The following MX2 variants were observed in gnomAD, a reference collection of about 807,000 sequenced individuals.
The protein encoded by MX2 is interferon-induced GTP-binding protein Mx2.
A neutral mutation model predicts 74.0 loss-of-function variants in MX2; 51 were observed. The observed-to-expected ratio is 0.69, with a 90% CI of 0.55 to 0.87. MX2 has a LOEUF of 0.87. Ranked by LOEUF, MX2 falls within the 40% of genes least tolerant of loss-of-function variation. The pLI is 0.00. For missense variants in MX2, 832 were observed against 908.7 expected (o/e 0.92, Z 1.09); for synonymous variants, 369 against 339.3 (o/e 1.09, Z -0.96).
At chr21:41,371,918 G>A (rs1202145450) in intron 1 of MX2, among the ~76,000 whole-genome samples, 1 of 152,190 alleles carries the variant, frequency 6.6e-6, no homozygotes, top group East Asian at 1.9e-4. Context: ...AAAACTCAAA[G>A]CCCAGAGAGA....
chr21:41,376,419 G>T (rs983168354), intron 1 of MX2, among the ~76,000 whole-genome samples: 4 of 152,296 alleles, frequency 2.6e-5, no homozygotes, highest in African/African-American at 7.2e-5. Context: ...GGTGGTGCAT[G>T]CCTCTAGTCC....
At chr21:41,369,262 C>G (rs552413030) in intron 1 of MX2, among the ~76,000 whole-genome samples, 5 of 152,174 alleles carry the variant, frequency 3.3e-5, no homozygotes, top group African/African-American at 7.2e-5. Context: ...GGCTGAGCGG[C>G]GGCGGGGCCA....
chr21:41,377,300 A>G (rs1161762977), intron 2 of MX2, 145 bp downstream of exon 2: 68 of 1,219,098 alleles, frequency 5.6e-5, no homozygotes, highest in South Asian at 3.2e-4. Context: ...GTCATGCCCA[A>G]CAAGTACCAG....
chr21:41,397,475 T>C, intron 7 of MX2, 138 bp from the exon 8 acceptor site: 1 of 662,178 alleles, frequency 1.5e-6, no homozygotes, highest in Non-Finnish European at 2.6e-6. Context: ...GGCAAGTGTC[T>C]TTCTTATGCA....
At chr21:41,393,110 C>CAAAAAAAAA (rs373955778) in intron 6 of MX2, among the ~76,000 whole-genome samples, 320 of 59,966 alleles carry the variant, frequency 5.3e-3, no homozygotes, top group East Asian at 8.6e-3. Flanking sequence ...CTCAAAAAAG[C>CAAAAAAAAA]AAAAAAAAAA....
chr21:41,389,134 G>A (rs572117093), intron 5 of MX2, among the ~76,000 whole-genome samples: 3 of 151,932 alleles, frequency 2.0e-5, no homozygotes, highest in South Asian at 2.1e-4. Context: ...GACGATCAAC[G>A]TTAAAACTTG....
chr21:41,404,382 G>A (rs2089857230), intron 12 of MX2: 1 of 152,230 alleles, frequency 6.6e-6, no homozygotes, highest in South Asian at 2.1e-4. Flanking sequence ...GCTCCCAGAG[G>A]GTCTACTGTC....
intron 6 of MX2, among the ~76,000 whole-genome samples, chr21:41,393,265 A>G (rs2089687946): frequency 6.6e-6 from 1 of 152,168 alleles, no homozygotes; most frequent in African/African-American, 2.4e-5. Flanking sequence ...CAGTGGGTCG[A>G]TATTTTCAGG....
At chr21:41,403,468 G>GGCGAGGCTT (rs2089842776) in intron 12 of MX2, 125 bp downstream of exon 12, 1 of 903,970 alleles carries the variant, frequency 1.1e-6, no homozygotes. Context: ...TGGCGAGGCT[G>GGCGAGGCTT]GCAGGGCTGG....
intron 5 of MX2, chr21:41,390,323 G>C (rs2089640035): frequency 1.9e-5 from 9 of 481,126 alleles, no homozygotes; most frequent in Non-Finnish European, 3.8e-6. Context: ...CAGGAATCAG[G>C]GGGTCTTCAG....
At chr21:41,378,121 G>T (rs1228220473) in intron 3 of MX2, 140 bp downstream of exon 3, 6 of 1,104,742 alleles carry the variant, frequency 5.4e-6, no homozygotes, top group Middle Eastern at 6.1e-4. Flanking sequence ...GAGAGAGGCC[G>T]CTGAGAGAGA....
chr21:41,390,865 G>A (rs951058798), intron 6 of MX2, among the ~76,000 whole-genome samples, 162 bp downstream of exon 6: 1 of 152,206 alleles, frequency 6.6e-6, no homozygotes, highest in Non-Finnish European at 1.5e-5. Context: ...AATTAGTCGG[G>A]CATGGTGGCT....
intron 10 of MX2, 144 bp downstream of exon 10, chr21:41,399,481 A>G (rs911598294): frequency 1.2e-6 from 1 of 859,864 alleles, no homozygotes; most frequent in Non-Finnish European, 1.8e-6. Context: ...CTGTCTCTCA[A>G]CGAACAAAAC....
In MX2 at chr21:41,368,717, A is replaced by C. The variant is rs1219865216; in HGVS notation, c.-72+6662A>C. Among the ~76,000 whole-genome samples the C allele has an allele frequency of 6.6e-6, 1 of 152,236 alleles. No individual in the cohort carries two copies. Among genetic ancestry groups the C allele is most frequent in the East Asian group, 1.9e-4 (1 of 5,206 alleles). ...TGAAATGAAGAATATTGGGCTTCAC[A>C]AAAGGAACCCTCCTTTCCCTTGTTC... On this transcript the variant is annotated intron_variant, in intron 1 of 13. Coordinates refer to ENST00000330714, the MANE Select transcript of MX2 (RefSeq NM_002463.2). The surrounding 1 kb of genome is among the most constrained non-coding windows in gnomAD (Gnocchi z 4.6).
At chr21:41,405,806 G>C (rs2032093953) in intron 12 of MX2, among the ~76,000 whole-genome samples, 2 of 148,594 alleles carry the variant, frequency 1.3e-5, no homozygotes, top group East Asian at 4.0e-4. Context: ...CTAGGTTCAA[G>C]TGATTCTCCT....
chr21:41,404,850 C>A (rs1369170768), intron 12 of MX2: 3 of 128,056 alleles, frequency 2.3e-5, no homozygotes, highest in African/African-American at 9.1e-5. Context: ...ATCTATTTTT[C>A]TTTCACAGTT....
At chr21:41,390,463 A>G (rs2089642047) in intron 5 of MX2, 102 bp from the exon 6 acceptor site, 1 of 1,509,902 alleles carries the variant, frequency 6.6e-7, no homozygotes, top group East Asian at 2.3e-5. Flanking sequence ...ACACTGTGGG[A>G]CAATGTTGCC....
At position 41,368,357 on chromosome 21, in the gene MX2, C is replaced by G. The variant is rs1164607422; in HGVS notation, c.-72+6302C>G. ...ATTTCTGAAGATTGTGCAGGGGAGACAGATGGTTCACCAGGCACACACCAG... is the reference window on the plus strand; with the variant it reads ...ATTTCTGAAGATTGTGCAGGGGAGAGAGATGGTTCACCAGGCACACACCAG... On this transcript the variant is annotated intron_variant, in intron 1 of 13. Coordinates refer to ENST00000330714, the MANE Select transcript of MX2 (RefSeq NM_002463.2). The surrounding 1 kb of genome is among the most constrained non-coding windows in gnomAD (Gnocchi z 4.6). Among the ~76,000 whole-genome samples, 1 of 152,196 alleles carries G rather than the reference C, an allele frequency of 6.6e-6. No homozygotes were observed. Among genetic ancestry groups the G allele is most frequent in the Non-Finnish European group, 1.5e-5 (1 of 68,038 alleles).
rs754069389 is a variant in MX2 at position 41,397,730 on chromosome 21, C to A, written c.1149+39C>A. On this transcript the variant is annotated intron_variant, in intron 8 of 13. Transcript: ENST00000330714. ...GTTGGGTGACAAGTCATCAATACAG[C>A]ATGCCCAAGTCACTCTCTTGGTCTG... 3.9e-6 allele frequency: 6 copies of A among 1,557,946 alleles called. No individual in the cohort carries two copies. In the African/African-American group the frequency reaches 8.1e-5, roughly 21 times the overall value.
Sources: gnomAD v4.1 joint callset for allele counts (sites outside exome capture counted in the v4.1 genomes callset) on GRCh38, gnomAD v4.1.1 for gene constraint, Gnocchi (gnomAD v3.1) non-coding constraint, MANE v1.5 for transcripts, NCBI Gene and HGNC (gene_info 2026-07-23, HGNC 2026-07-21) for gene names.